The following KCNQ3 variants were observed in gnomAD, a reference collection of about 807,000 sequenced individuals.
KCNQ3 encodes the protein potassium voltage-gated channel subfamily Q member 3.
A neutral mutation model predicts 92.5 loss-of-function variants in KCNQ3; 30 were observed. The observed-to-expected ratio is 0.32, with a 90% CI of 0.24 to 0.44. The LOEUF (loss-of-function observed/expected upper bound fraction) is 0.44, where lower values mean the gene tolerates loss of function less well. KCNQ3 is among the 20% of genes least tolerant of loss of function. The probability of loss-of-function intolerance (pLI) is 1.00; values close to 1 mark genes in which losing one functional copy is unlikely to be tolerated. For missense variants in KCNQ3, 913 were observed against 1,140.3 expected, an observed-to-expected ratio of 0.80 and a Z score of 2.87; for synonymous variants, 450 against 468.8, an observed-to-expected ratio of 0.96 and a Z score of 0.52.
At chr8:132,426,685 T>C (rs1238096361) in intron 1 of KCNQ3, among the ~76,000 whole-genome samples, 1 of 152,226 alleles carries the variant, frequency 6.6e-6, no homozygotes, top group African/African-American at 2.4e-5. Context: ...TTTGCCATTC[T>C]CTGACCAATG....
At chr8:132,283,582 A>G (rs1028272797) in intron 1 of KCNQ3, among the ~76,000 whole-genome samples, 9 of 152,198 alleles carry the variant, frequency 5.9e-5, no homozygotes, top group African/African-American at 2.2e-4. Flanking sequence ...GGTCAGCATG[A>G]CCAGCAGGCT....
At chr8:132,442,523 A>T (rs1821564546) in intron 1 of KCNQ3, among the ~76,000 whole-genome samples, 1 of 152,164 alleles carries the variant, frequency 6.6e-6, no homozygotes, top group South Asian at 2.1e-4. Flanking sequence ...AGTAAGGGCT[A>T]AAATGTATTT....
At chr8:132,323,884 G>A (rs1467488141) in intron 1 of KCNQ3, among the ~76,000 whole-genome samples, 1 of 152,092 alleles carries the variant, frequency 6.6e-6, no homozygotes, top group Non-Finnish European at 1.5e-5. Flanking sequence ...TACTTAATAT[G>A]CTTTCATCAC....
chr8:132,323,580 GGCCGTAGGT>G (rs1383175483), intron 1 of KCNQ3, among the ~76,000 whole-genome samples: 1 of 152,116 alleles, frequency 6.6e-6, no homozygotes, highest in Non-Finnish European at 1.5e-5. Flanking sequence ...TTTAGAAAAT[GGCCGTAGGT>G]GCTAAAACCA....
In KCNQ3 at chr8:132,186,064, A is replaced by G. The variant is rs367804300; in HGVS notation, c.477+27T>C. On this transcript the variant is annotated intron_variant, in intron 2 of 14. Transcript: ENST00000388996. ...TCATCACTCTGGAAGCCCAACCAGA[A>G]GCATTTACCCCAGAATGCAATCTTA... is the stretch of plus-strand genomic sequence containing the variant. 3.2e-6 allele frequency: 5 copies of G among 1,561,824 alleles called. No individual in the cohort carries two copies. The African/African-American group carries it at 4.1e-5, about 13-fold the overall frequency.
intron 1 of KCNQ3, among the ~76,000 whole-genome samples, chr8:132,443,680 G>A (rs1821597652): frequency 6.6e-6 from 1 of 152,048 alleles, no homozygotes; most frequent in African/African-American, 2.4e-5. Flanking sequence ...AGAACTACTG[G>A]GGTAGATGTT....
At chr8:132,209,559 A>ACG (rs1326445317) in intron 1 of KCNQ3, among the ~76,000 whole-genome samples, 4 of 151,992 alleles carry the variant, frequency 2.6e-5, no homozygotes, top group African/African-American at 9.7e-5. Context: ...ACACACACAC[A>ACG]CACACACGTA....
Position 132,463,894 on chromosome 8 carries a change from C to T in KCNQ3, c.386+16253G>A, listed in dbSNP as rs183465962. On this transcript the variant is annotated intron_variant, in intron 1 of 14. Transcript: ENST00000388996. ...ATGGCACAGTCTCGGCTCACCGCAACCTCCGCCTCCCGGGTTCAAGCGATT... is the reference window on the plus strand; with the variant it reads ...ATGGCACAGTCTCGGCTCACCGCAATCTCCGCCTCCCGGGTTCAAGCGATT... Among the ~76,000 whole-genome samples the T allele has an allele frequency of 1.1e-3, 160 of 152,322 alleles. 1 individual carries two copies. The highest frequency in any genetic ancestry group is 3.8e-3 in the African/African-American group (156 of 41,588).
At chr8:132,150,761 A>G (rs1825611936) in intron 9 of KCNQ3, among the ~76,000 whole-genome samples, 1 of 151,904 alleles carries the variant, frequency 6.6e-6, no homozygotes, top group South Asian at 2.1e-4. Context: ...AATAATCCAA[A>G]TAGGAGATTG....
At chr8:132,315,329 A>G (rs944634594) in intron 1 of KCNQ3, among the ~76,000 whole-genome samples, 4 of 152,032 alleles carry the variant, frequency 2.6e-5, no homozygotes, top group Non-Finnish European at 4.4e-5. Context: ...GAGGTGTGAG[A>G]AGAGGTCAGT....
At position 132,242,006 on chromosome 8, in the gene KCNQ3, T is replaced by A. The variant is rs1363789872; in HGVS notation, c.387-55825A>T. On this transcript the variant is annotated intron_variant, in intron 1 of 14. Transcript: ENST00000388996. ...TCTAGGTAGATCAAGGATATTTTAA[T>A]TTGCTTAGGAACTTATTCCTCTGCA... Among the ~76,000 whole-genome samples, 3 of 134,014 alleles carry A rather than the reference T, an allele frequency of 2.2e-5. No individual in the cohort carries two copies. The East Asian group carries it at 7.7e-4, about 34-fold the overall frequency. The allele number at this position is 134,014 out of a possible 152,430, so 87.9% of individuals were successfully genotyped here.
chr8:132,461,115 G>A (rs1325733248), intron 1 of KCNQ3, among the ~76,000 whole-genome samples: 1 of 152,108 alleles, frequency 6.6e-6, no homozygotes, highest in East Asian at 1.9e-4. Context: ...TTGTATGGAT[G>A]TACAATGGTT....
At chr8:132,337,324 C>T (rs1373168274) in intron 1 of KCNQ3, among the ~76,000 whole-genome samples, 1 of 152,020 alleles carries the variant, frequency 6.6e-6, no homozygotes, top group African/African-American at 2.4e-5. Context: ...GCAATAAACC[C>T]AGTCTCTATA....
intron 1 of KCNQ3, among the ~76,000 whole-genome samples, chr8:132,229,999 T>A (rs1475985264): frequency 6.6e-6 from 1 of 152,074 alleles, no homozygotes; most frequent in Non-Finnish European, 1.5e-5. Flanking sequence ...CAGGATGGGG[T>A]CTGATCACTC....
chr8:132,180,234 T>C lies in KCNQ3; in HGVS notation c.700A>G (p.Ile234Val). Residue 234 changes from isoleucine to valine, a missense_variant, in exon 4 of 15, where the codon ATC (isoleucine) becomes GTC (valine). Transcript: ENST00000388996. ...CGGTCCATCCGCAGCATGCGCAGGA[T>C]CTGCAGGAAGCGCAGGCTTCGCAGG... Reference protein sequence around the residue: ...TSLRSLRFLQILRMLRMDRRG... With the variant: ...TSLRSLRFLQVLRMLRMDRRG... 1 of 1,614,174 alleles carries C rather than the reference T, an allele frequency of 6.2e-7. No individual in the cohort carries two copies. The highest frequency in any genetic ancestry group is 1.1e-5 in the South Asian group (1 of 91,086).
intron 1 of KCNQ3, among the ~76,000 whole-genome samples, chr8:132,285,826 C>T (rs1031999497): frequency 5.3e-5 from 8 of 152,170 alleles, no homozygotes; most frequent in Admixed American, 4.6e-4. Context: ...GGGATTGACC[C>T]AGGGTGTTCC....
At chr8:132,341,789 TATCCACCTCTA>T (rs1007868408) in intron 1 of KCNQ3, among the ~76,000 whole-genome samples, 24 of 152,202 alleles carry the variant, frequency 1.6e-4, no homozygotes, top group Non-Finnish European at 2.8e-4. Flanking sequence ...ATTCAGAGCA[TATCCACCTCTA>T]ATCAACCTGA....
chr8:132,205,556 C>T (rs902838924), intron 1 of KCNQ3, among the ~76,000 whole-genome samples: 4 of 152,170 alleles, frequency 2.6e-5, no homozygotes, highest in South Asian at 2.1e-4. Context: ...GGGGAAAGAG[C>T]GTGAGCTTCA....
chr8:132,234,067 G>A (rs958538326), intron 1 of KCNQ3, among the ~76,000 whole-genome samples: 3 of 152,112 alleles, frequency 2.0e-5, no homozygotes, highest in South Asian at 2.1e-4. Context: ...AGGACAAACC[G>A]GGACATGTGG....
Sources: allele counts gnomAD v4.1 joint callset (sites outside exome capture counted in the v4.1 genomes callset), GRCh38; gene constraint gnomAD v4.1.1; transcripts MANE v1.5; gene names NCBI Gene and HGNC (gene_info 2026-07-23, HGNC 2026-07-21).